Variants in AKAP6 observed in about 807,000 individuals in gnomAD.
AKAP6 encodes the protein A-kinase anchor protein 6.
A neutral mutation model predicts 188.5 loss-of-function variants in AKAP6; 58 were observed. The observed-to-expected ratio is 0.31, with a 90% CI of 0.25 to 0.38. The LOEUF (loss-of-function observed/expected upper bound fraction) is 0.38. AKAP6 is among the 10% of genes least tolerant of loss of function. AKAP6 has a pLI of 1.00. For synonymous variants in AKAP6, 989 were observed against 998.6 expected (o/e 0.99, Z 0.18); for missense variants, 2,710 against 2,740.0 (o/e 0.99, Z 0.24).
chr14:32,606,476 A>C (rs1177848786), intron 7 of AKAP6, among the ~76,000 whole-genome samples: 2 of 152,180 alleles, frequency 1.3e-5, no homozygotes, highest in Admixed American at 6.6e-5. Flanking sequence ...CTTATAATGG[A>C]GACCAGGATT....
intron 2 of AKAP6, among the ~76,000 whole-genome samples, chr14:32,448,907 T>G (rs1352587876): frequency 6.6e-6 from 1 of 152,176 alleles, no homozygotes; most frequent in Admixed American, 6.5e-5. Context: ...TAAAGGGAGA[T>G]ATTAGCAATG....
At chr14:32,332,806 G>A (rs372579303) in intron 1 of AKAP6, among the ~76,000 whole-genome samples, 3 of 152,146 alleles carry the variant, frequency 2.0e-5, no homozygotes, top group Admixed American at 6.5e-5. Context: ...TTTGCTGAAT[G>A]TATCAGTGGC....
intron 12 of AKAP6, among the ~76,000 whole-genome samples, chr14:32,775,315 G>A (rs1018448887): frequency 2.6e-5 from 4 of 151,718 alleles, no homozygotes; most frequent in Non-Finnish European, 4.4e-5. Flanking sequence ...TGAAATTTTT[G>A]AAGCATTCAA....
chr14:32,612,860 G>A (rs551154101), intron 7 of AKAP6, among the ~76,000 whole-genome samples: 95 of 152,218 alleles, frequency 6.2e-4, no homozygotes, highest in African/African-American at 2.3e-3. Context: ...TGTAGTCTTT[G>A]CTCCAAAGCT....
chr14:32,583,091 T>C (rs968901139), intron 5 of AKAP6, among the ~76,000 whole-genome samples: 5 of 152,228 alleles, frequency 3.3e-5, no homozygotes, highest in Non-Finnish European at 7.3e-5. Context: ...CCAGTTTTTC[T>C]GCTCTGTTTT....
intron 9 of AKAP6, among the ~76,000 whole-genome samples, chr14:32,701,599 G>T (rs1307899843): frequency 6.6e-6 from 1 of 152,008 alleles, no homozygotes; most frequent in Non-Finnish European, 1.5e-5. Context: ...GAAATATAGA[G>T]TACAAGAAGA....
chr14:32,475,336 C>T (rs58923983), intron 2 of AKAP6, among the ~76,000 whole-genome samples: 41,230 of 151,894 alleles, frequency 0.27, 5,982 homozygotes, highest in Non-Finnish European at 0.31. Context: ...CTAAAGCCTT[C>T]TGCTCTCTTA....
At chr14:32,469,982 T>C (rs1878683809) in intron 2 of AKAP6, among the ~76,000 whole-genome samples, 1 of 152,198 alleles carries the variant, frequency 6.6e-6, no homozygotes, top group Non-Finnish European at 1.5e-5. Context: ...GTTCAGTTGC[T>C]CTTCCAATGA....
At chr14:32,350,381 A>T (rs949823593) in intron 1 of AKAP6, among the ~76,000 whole-genome samples, 4 of 152,160 alleles carry the variant, frequency 2.6e-5, no homozygotes, top group African/African-American at 9.7e-5. Flanking sequence ...ATAAACCGAG[A>T]CTGGGGACAT....
At chr14:32,379,671 G>A (rs1385693755) in intron 1 of AKAP6, among the ~76,000 whole-genome samples, 6 of 151,940 alleles carry the variant, frequency 3.9e-5, no homozygotes, top group Admixed American at 6.6e-5. Context: ...CTTGAGCTCC[G>A]TATCTCTGAC....
At position 32,830,274 on chromosome 14, in the gene AKAP6, T is replaced by C. The variant is rs1456353396; in HGVS notation, c.*469T>C. 1 of 278,166 alleles carries C rather than the reference T, an allele frequency of 3.6e-6. No individual in the cohort carries two copies. Among genetic ancestry groups the C allele is most frequent in the African/African-American group, 2.2e-5 (1 of 45,552 alleles). The allele number at this position is 278,166 out of a possible 1,614,324, so 17.2% of individuals were successfully genotyped here. A position where few individuals can be genotyped will look rare whatever the true frequency, so the allele number is the denominator to read the frequency against. On this transcript the variant is annotated 3_prime_UTR_variant, in exon 14 of 14. Transcript: ENST00000280979. ...TTTTTTTTTAACGGTATAATGACTG[T>C]GTTTATTGAAAGAGTTTTACCTAAA...
intron 2 of AKAP6, among the ~76,000 whole-genome samples, chr14:32,475,576 C>A (rs1384050057): frequency 6.6e-6 from 1 of 152,166 alleles, no homozygotes; most frequent in African/African-American, 2.4e-5. Flanking sequence ...TCGAGCAAAA[C>A]CAGCTTCTCT....
chr14:32,524,020 G>T (rs1881996228), intron 2 of AKAP6, among the ~76,000 whole-genome samples: 1 of 152,070 alleles, frequency 6.6e-6, no homozygotes, highest in African/African-American at 2.4e-5. Flanking sequence ...GTATGAAAAA[G>T]GAAATACAGA....
At chr14:32,746,497 A>G (rs914000589) in intron 11 of AKAP6, among the ~76,000 whole-genome samples, 4 of 152,068 alleles carry the variant, frequency 2.6e-5, no homozygotes, top group Admixed American at 2.0e-4. Flanking sequence ...GGGGCCTTAA[A>G]ATTTTGACTG....
chr14:32,405,368 A>T lies in AKAP6; in HGVS notation c.-34-28092A>T, dbSNP rs558818833. 4.1e-4 allele frequency among the ~76,000 whole-genome samples: 63 copies of T among 152,288 alleles called. 1 individual carries two copies. The South Asian group carries it at 0.012, about 29-fold the overall frequency. On this transcript the variant is annotated intron_variant, in intron 1 of 13. Transcript: ENST00000280979. ...GCTTGTACAGGACAAAATTATTTTC[A>T]ATAATGATGTCATAATGATTGTTTT...
rs181178092 is a variant in AKAP6 at position 32,438,380 on chromosome 14, C to A, written c.324+4563C>A. Among the ~76,000 whole-genome samples, 24 of 152,178 alleles carry A rather than the reference C, an allele frequency of 1.6e-4. No homozygotes were observed. In the East Asian group the frequency reaches 4.5e-3, roughly 28 times the overall value. ...AAGCATACTCTCAGGTCTTCTAAACCCAGAGACACTCTTTTTCTTTAAAAG... is the reference window on the plus strand; with the variant it reads ...AAGCATACTCTCAGGTCTTCTAAACACAGAGACACTCTTTTTCTTTAAAAG... On this transcript the variant is annotated intron_variant, in intron 2 of 13. Coordinates refer to ENST00000280979, the MANE Select transcript of AKAP6 (RefSeq NM_004274.5).
chr14:32,753,405 G>A (rs1460072759), intron 11 of AKAP6, among the ~76,000 whole-genome samples: 1 of 152,034 alleles, frequency 6.6e-6, no homozygotes, highest in East Asian at 1.9e-4. Context: ...TAAGTTCCTT[G>A]TCTATTTGGG....
At chr14:32,424,487 A>T (rs1345747404) in intron 1 of AKAP6, among the ~76,000 whole-genome samples, 2 of 151,374 alleles carry the variant, frequency 1.3e-5, no homozygotes, top group Admixed American at 6.6e-5. Flanking sequence ...TTAAAAAAAA[A>T]TTTGTTTTGT....
intron 1 of AKAP6, among the ~76,000 whole-genome samples, chr14:32,334,771 G>A (rs1030916405): frequency 1.3e-5 from 2 of 152,106 alleles, no homozygotes; most frequent in South Asian, 4.1e-4. Context: ...TTGAATTCCT[G>A]AGTTGGCTTT....
Sources: allele counts gnomAD v4.1 joint callset (sites outside exome capture counted in the v4.1 genomes callset), GRCh38; gene constraint gnomAD v4.1.1; transcripts MANE v1.5; gene names NCBI Gene and HGNC (gene_info 2026-07-23, HGNC 2026-07-21).